Variants in CNTN3 observed in about 807,000 individuals in gnomAD.
CNTN3 encodes the protein contactin 3, also known as contactin-3.
In CNTN3, 60 loss-of-function variants were observed where a neutral mutation model predicts 119.1. That is an observed-to-expected ratio of 0.50 (90% CI 0.41 to 0.62). CNTN3 has a LOEUF of 0.62. CNTN3 is among the 20% of genes least tolerant of loss of function. The probability of loss-of-function intolerance (pLI) is 0.00; values close to 1 mark genes in which losing one functional copy is unlikely to be tolerated. For synonymous variants in CNTN3, 450 were observed against 438.7 expected (o/e 1.03, Z -0.32); for missense variants, 1,101 against 1,242.4 (o/e 0.89, Z 1.71).
Position 74,291,426 on chromosome 3 carries a change from T to C in CNTN3, c.2517+3695A>G, listed in dbSNP as rs140539757. Among the ~76,000 whole-genome samples, 454 of 152,284 alleles carry C rather than the reference T, an allele frequency of 3.0e-3. 6 individuals are homozygous for C. Among genetic ancestry groups the C allele is most frequent in the African/African-American group, 0.011 (439 of 41,566 alleles). ...TTTGGGTATATACCCAGTAATGGGATTGCTGGGTCAAATGGTATTTCTAGT... is the reference window on the plus strand; with the variant it reads ...TTTGGGTATATACCCAGTAATGGGACTGCTGGGTCAAATGGTATTTCTAGT... On this transcript the variant is annotated intron_variant, in intron 19 of 22. Transcript: ENST00000263665.
Position 74,521,635 on chromosome 3 carries a change from C to T in CNTN3, c.-80-443G>A, listed in dbSNP as rs371426140. On this transcript the variant is annotated intron_variant, in intron 1 of 22. Transcript: ENST00000263665. ...AATAAAGCATGCAAATTATAGATAG[C>T]ATTATCAATGTCCATCTTAGACCTA... 1.4e-3 allele frequency among the ~76,000 whole-genome samples: 208 copies of T among 151,874 alleles called. 2 individuals carry two copies. The South Asian group carries it at 0.042, about 31-fold the overall frequency.
intron 4 of CNTN3, among the ~76,000 whole-genome samples, chr3:74,462,515 G>A (rs1702388354): frequency 6.6e-6 from 1 of 152,090 alleles, no homozygotes. Flanking sequence ...AGTTTTTAAT[G>A]GCCTGTGTAA....
chr3:74,587,375 T>C (rs1448023859), intron 1 of CNTN3, among the ~76,000 whole-genome samples: 1 of 152,088 alleles, frequency 6.6e-6, no homozygotes, highest in Non-Finnish European at 1.5e-5. Flanking sequence ...GATTTGTGTC[T>C]CTTCTTGGCA....
intron 20 of CNTN3, among the ~76,000 whole-genome samples, chr3:74,271,532 G>A (rs1469145378): frequency 1.3e-5 from 2 of 152,164 alleles, no homozygotes; most frequent in African/African-American, 4.8e-5. Context: ...TGGTAACAGT[G>A]AAGCTGGCAT....
chr3:74,323,882 T>A (rs1013700775), intron 13 of CNTN3, among the ~76,000 whole-genome samples: 1 of 151,110 alleles, frequency 6.6e-6, no homozygotes, highest in African/African-American at 2.5e-5. Flanking sequence ...GAGATGAGAT[T>A]TTTTTTAAAT....
intron 2 of CNTN3, among the ~76,000 whole-genome samples, chr3:74,502,736 T>C (rs1703187226): frequency 6.6e-6 from 1 of 152,110 alleles, no homozygotes; most frequent in African/African-American, 2.4e-5. Context: ...AGCATAAATG[T>C]CACCTTCTCA....
intron 1 of CNTN3, among the ~76,000 whole-genome samples, chr3:74,582,374 C>A (rs1704525654): frequency 6.6e-6 from 1 of 150,404 alleles, no homozygotes; most frequent in East Asian, 2.0e-4. Flanking sequence ...CCACTGCACT[C>A]CAGCCCGGGC....
chr3:74,320,012 G>T (rs1371718450), intron 13 of CNTN3, among the ~76,000 whole-genome samples: 1 of 152,170 alleles, frequency 6.6e-6, no homozygotes, highest in Non-Finnish European at 1.5e-5. Flanking sequence ...AAAAAGTCAG[G>T]AAAGAACAGG....
rs115097801 is a variant in CNTN3 at position 74,304,449 on chromosome 3, C to T, written c.1669-1642G>A. Among the ~76,000 whole-genome samples, 1,309 of 152,184 alleles carry T rather than the reference C, an allele frequency of 8.6e-3. 25 individuals are homozygous for T. The highest frequency in any genetic ancestry group is 0.03 in the African/African-American group (1,245 of 41,516). ...CACTTCTATGGAAATCTCTCATTTTCGGTGAAAAACTGTTACTATTAAATG... is the reference window on the plus strand; with the variant it reads ...CACTTCTATGGAAATCTCTCATTTTTGGTGAAAAACTGTTACTATTAAATG... On this transcript the variant is annotated intron_variant, in intron 13 of 22. Coordinates refer to ENST00000263665, the MANE Select transcript of CNTN3 (RefSeq NM_020872.3).
At chr3:74,380,161 A>C (rs1238595302) in intron 5 of CNTN3, among the ~76,000 whole-genome samples, 2 of 152,204 alleles carry the variant, frequency 1.3e-5, no homozygotes, top group African/African-American at 4.8e-5. Context: ...GTACCTTTTC[A>C]AAAGAGTTCA....
intron 16 of CNTN3, among the ~76,000 whole-genome samples, chr3:74,300,309 T>C (rs189524240): frequency 6.6e-6 from 1 of 152,318 alleles, no homozygotes; most frequent in East Asian, 1.9e-4. Context: ...TAGAATATAA[T>C]TCTGAGAACA....
intron 11 of CNTN3, among the ~76,000 whole-genome samples, chr3:74,340,618 T>C (rs1320579441): frequency 1.3e-5 from 2 of 152,236 alleles, no homozygotes; most frequent in Middle Eastern, 3.4e-3. Flanking sequence ...GCAGATGTGA[T>C]GGAGAATTTT....
chr3:74,336,664 G>T lies in CNTN3; in HGVS notation c.1365-6C>A, dbSNP rs1703403119. On this transcript the variant is annotated splice_polypyrimidine_tract_variant and splice_region_variant and intron_variant, in intron 11 of 22. Transcript: ENST00000263665. The stretch of plus-strand genomic sequence containing the variant: ...CATCGTTTAACAAAGAAATTCTAAA[G>T]CAAAGACAAATAAGATAAATAAATA... The T allele has an allele frequency of 1.3e-6, 2 of 1,596,868 alleles. No homozygotes were observed. Among genetic ancestry groups the T allele is most frequent in the Non-Finnish European group, 1.7e-6 (2 of 1,169,366 alleles).
At chr3:74,347,189 G>A (rs1197431853) in intron 11 of CNTN3, among the ~76,000 whole-genome samples, 1 of 152,180 alleles carries the variant, frequency 6.6e-6, no homozygotes, top group Non-Finnish European at 1.5e-5. Context: ...TCATAAGCAT[G>A]AATTCAGCCA....
At chr3:74,361,561 T>G (rs1704073219) in intron 11 of CNTN3, among the ~76,000 whole-genome samples, 1 of 152,214 alleles carries the variant, frequency 6.6e-6, no homozygotes, top group South Asian at 2.1e-4. Context: ...ATCCTTCTCT[T>G]CTTTGTCCTG....
intron 11 of CNTN3, among the ~76,000 whole-genome samples, chr3:74,341,384 C>A (rs1703542221): frequency 6.6e-6 from 1 of 152,088 alleles, no homozygotes; most frequent in Admixed American, 6.5e-5. Context: ...ATGCGTAGAG[C>A]TGAAAATGTA....
At chr3:74,608,651 T>C (rs1705031308) in intron 1 of CNTN3, among the ~76,000 whole-genome samples, 1 of 152,092 alleles carries the variant, frequency 6.6e-6, no homozygotes, top group African/African-American at 2.4e-5. Flanking sequence ...TAAAATAAAA[T>C]CTTTATACAC....
At chr3:74,327,469 A>T (rs1297946714) in intron 13 of CNTN3, among the ~76,000 whole-genome samples, 1 of 152,032 alleles carries the variant, frequency 6.6e-6, no homozygotes, top group East Asian at 1.9e-4. Context: ...GTTTGCTAAA[A>T]TTTCCCTTAA....
At chr3:74,273,329 T>A (rs1236715535) in intron 20 of CNTN3, among the ~76,000 whole-genome samples, 2 of 152,192 alleles carry the variant, frequency 1.3e-5, no homozygotes, top group Non-Finnish European at 2.9e-5. Flanking sequence ...CAGCTCCGAC[T>A]CGGATGGACA....
Sources: gnomAD v4.1 joint callset for allele counts (sites outside exome capture counted in the v4.1 genomes callset) on GRCh38, gnomAD v4.1.1 for gene constraint, MANE v1.5 for transcripts, NCBI Gene and HGNC (gene_info 2026-07-23, HGNC 2026-07-21) for gene names.